Variants in INPP5A observed in about 807,000 individuals in gnomAD.
INPP5A encodes 43 kDa inositol polyphosphate 5-phophatase.
A neutral mutation model predicts 65.2 loss-of-function variants in INPP5A; 14 were observed. The observed-to-expected ratio is 0.21, with a 90% CI of 0.14 to 0.34. The LOEUF (loss-of-function observed/expected upper bound fraction) is 0.34. Among genes scored for constraint, INPP5A ranks in the 10% least tolerant of loss-of-function variants. The pLI, the probability that INPP5A is intolerant of heterozygous loss-of-function variation, is 1.00. For missense variants in INPP5A, 431 were observed against 545.6 expected, an observed-to-expected ratio of 0.79 and a Z score of 2.09; for synonymous variants, 207 against 208.3, an observed-to-expected ratio of 0.99 and a Z score of 0.05.
rs56338484 is a variant in INPP5A, at chr10:132,771,849, G to A, written c.978-5822G>A. Among the ~76,000 whole-genome samples, 680 of 97,206 alleles carry A rather than the reference G, an allele frequency of 7.0e-3. 39 individuals carry two copies. The highest frequency in any genetic ancestry group is 0.019 in the African/African-American group (445 of 22,894). The allele number at this position is 97,206 out of a possible 152,430, so 63.8% of individuals were successfully genotyped here. ...AGAGTGGGGCACTCAGCACTGACAC[G>A]GAGGCCACAGCAGCCACCCCGCGAA... On this transcript the variant is annotated intron_variant, in intron 12 of 15. Transcript: ENST00000368594.
chr10:132,655,716 G>A (rs1243942258), intron 4 of INPP5A, among the ~76,000 whole-genome samples: 1 of 152,236 alleles, frequency 6.6e-6, no homozygotes, highest in Non-Finnish European at 1.5e-5. Flanking sequence ...TGCTGATTTG[G>A]CCTACCTGGG....
chr10:132,602,857 G>T (rs2071794197), intron 1 of INPP5A, among the ~76,000 whole-genome samples: 1 of 152,136 alleles, frequency 6.6e-6, no homozygotes, highest in South Asian at 2.1e-4. Flanking sequence ...GTAATCTACA[G>T]GCACGTTCTC....
At chr10:132,576,365 GGT>G (rs1159411229) in intron 1 of INPP5A, among the ~76,000 whole-genome samples, 1 of 152,228 alleles carries the variant, frequency 6.6e-6, no homozygotes, top group East Asian at 1.9e-4. Flanking sequence ...ACAGGTGCTG[GGT>G]GGCACCCCGA....
At chr10:132,646,642 C>T (rs1387953365) in intron 3 of INPP5A, among the ~76,000 whole-genome samples, 4 of 152,212 alleles carry the variant, frequency 2.6e-5, no homozygotes, top group African/African-American at 2.4e-5. Flanking sequence ...GGCCTTGGCA[C>T]ATTCCCATGT....
intron 9 of INPP5A, among the ~76,000 whole-genome samples, chr10:132,734,669 G>T (rs1846145560): frequency 6.6e-6 from 1 of 152,242 alleles, no homozygotes; most frequent in African/African-American, 2.4e-5. Context: ...TCAAGACCAT[G>T]GCCTTGGGCA....
intron 1 of INPP5A, among the ~76,000 whole-genome samples, chr10:132,585,367 C>T (rs1016095262): frequency 3.9e-5 from 6 of 152,208 alleles, no homozygotes; most frequent in Admixed American, 1.3e-4. Context: ...CGAGAGAAAG[C>T]GCGAGTGCGA....
rs552083940 is a variant in INPP5A, at chr10:132,720,999, C to A, written c.648-5822C>A. ...CTGTGGTGCCTGGGTTCTGTCTGGGCACCTTAGACGACTGTCTTCAGGGTT... is the reference window on the plus strand; with the variant it reads ...CTGTGGTGCCTGGGTTCTGTCTGGGAACCTTAGACGACTGTCTTCAGGGTT... On this transcript the variant is annotated intron_variant, in intron 8 of 15. Coordinates refer to ENST00000368594, the MANE Select transcript of INPP5A (RefSeq NM_005539.5). 5.0e-5 allele frequency among the ~76,000 whole-genome samples: 7 copies of A among 139,908 alleles called. No homozygotes were observed. The Admixed American group carries it at 5.2e-4, about 10-fold the overall frequency. 91.8% of individuals were successfully genotyped at this position (139,908 alleles called of 152,430 possible).
At chr10:132,578,031 C>T (rs1369635397) in intron 1 of INPP5A, among the ~76,000 whole-genome samples, 1 of 152,202 alleles carries the variant, frequency 6.6e-6, no homozygotes, top group Non-Finnish European at 1.5e-5. Flanking sequence ...AATTTGGCCT[C>T]ACTCAAAATT....
chr10:132,553,982 T>C (rs937365392), intron 1 of INPP5A, among the ~76,000 whole-genome samples: 1 of 151,016 alleles, frequency 6.6e-6, no homozygotes, highest in African/African-American at 2.4e-5. Context: ...AGAGCCTTGG[T>C]GGAATATTGA....
In INPP5A at chr10:132,774,890, G is replaced by GGAGA. The variant is rs1250110011; in HGVS notation, c.978-2778_978-2777insAGAG. On this transcript the variant is annotated intron_variant, in intron 12 of 15. Coordinates refer to ENST00000368594, the MANE Select transcript of INPP5A (RefSeq NM_005539.5). ...GAGGGGCAGGGAGGAGAGGCAGGGAGGAGGGGCAGGGAGGAGAGAGGGGCA... is the reference window on the plus strand; with the variant it reads ...GAGGGGCAGGGAGGAGAGGCAGGGAGGAGAGAGGGGCAGGGAGGAGAGAGGGGCA... Among the ~76,000 whole-genome samples the GGAGA allele has an allele frequency of 2.9e-4, 22 of 74,964 alleles. 2 individuals carry two copies. The highest frequency in any genetic ancestry group is 6.8e-4 in the African/African-American group (15 of 22,168). The allele number at this position is 74,964 out of a possible 152,430, so 49.2% of individuals were successfully genotyped here. A position where few individuals can be genotyped will look rare whatever the true frequency, so the allele number is the denominator to read the frequency against.
chr10:132,658,223 G>T (rs896514921), intron 4 of INPP5A, among the ~76,000 whole-genome samples: 12 of 152,122 alleles, frequency 7.9e-5, no homozygotes, highest in African/African-American at 2.9e-4. Flanking sequence ...CAGAGTCCAG[G>T]GTTCTTGATC....
intron 8 of INPP5A, among the ~76,000 whole-genome samples, chr10:132,725,040 A>C (rs1185801817): frequency 2.6e-5 from 4 of 152,072 alleles, no homozygotes; most frequent in African/African-American, 9.7e-5. Context: ...CAGCAGGAGC[A>C]CACGCCATAT....
intron 12 of INPP5A, among the ~76,000 whole-genome samples, chr10:132,768,217 T>C (rs111374533): frequency 0.014 from 1,255 of 91,470 alleles, 22 homozygotes; most frequent in African/African-American, 0.05. Flanking sequence ...CAGAAAGATC[T>C]GTGGACCCCG....
chr10:132,615,068 T>A (rs972650164), intron 2 of INPP5A, among the ~76,000 whole-genome samples: 2 of 152,222 alleles, frequency 1.3e-5, no homozygotes, highest in African/African-American at 4.8e-5. Context: ...TAAGAACGCT[T>A]GCTGGGGGAT....
At chr10:132,594,071 G>A (rs139638614) in intron 1 of INPP5A, among the ~76,000 whole-genome samples, 135 of 152,208 alleles carry the variant, frequency 8.9e-4, no homozygotes, top group Non-Finnish European at 1.6e-3. Context: ...GGTGTGTGTC[G>A]TGGCACACAC....
At chr10:132,589,206 C>T (rs1397813408) in intron 1 of INPP5A, among the ~76,000 whole-genome samples, 1 of 152,236 alleles carries the variant, frequency 6.6e-6, no homozygotes, top group Non-Finnish European at 1.5e-5. Flanking sequence ...GTCCTTCTGA[C>T]CAGGCGTTCA....
rs536814022 is a variant in INPP5A at position 132,611,092 on chromosome 10, GAT to G, written c.117+3137_117+3138del. 7.7e-3 allele frequency among the ~76,000 whole-genome samples: 1,106 copies of G among 142,794 alleles called. 1 individual carries two copies. Among genetic ancestry groups the G allele is most frequent in the Admixed American group, 0.014 (204 of 14,154 alleles). 93.7% of individuals were successfully genotyped at this position (142,794 alleles called of 152,430 possible). On this transcript the variant is annotated intron_variant, in intron 2 of 15. Coordinates refer to ENST00000368594, the MANE Select transcript of INPP5A (RefSeq NM_005539.5). ...CAGGGCAGAGGCCCTGTCAGAGGAG[GAT>G]GTGGGGTGGGAGGTGAGGTGGGCAG...
In INPP5A at chr10:132,551,058, T is replaced by C. The variant is rs1345606454; in HGVS notation, c.75+12887T>C. Among the ~76,000 whole-genome samples, 1 of 152,234 alleles carries C rather than the reference T, an allele frequency of 6.6e-6. No individual in the cohort carries two copies. Among genetic ancestry groups the C allele is most frequent in the Non-Finnish European group, 1.5e-5 (1 of 68,038 alleles). On this transcript the variant is annotated intron_variant, in intron 1 of 15. Transcript: ENST00000368594. This position sits in a 1 kb window ranked among gnomAD's most constrained non-coding sequence, Gnocchi z 5.3. ...AGTGGCTTCAGTAGCCACACGCTGC[T>C]TGGTCCAGGTTCCTGCCTGAGCCCA...
chr10:132,716,571 C>T (rs1367710093), intron 8 of INPP5A, among the ~76,000 whole-genome samples: 1 of 152,186 alleles, frequency 6.6e-6, no homozygotes, highest in Non-Finnish European at 1.5e-5. Flanking sequence ...AGGACGATGC[C>T]TGTGCTGGGC....
Sources: gnomAD v4.1 joint callset for allele counts (sites outside exome capture counted in the v4.1 genomes callset) on GRCh38, gnomAD v4.1.1 for gene constraint, Gnocchi (gnomAD v3.1) non-coding constraint, MANE v1.5 for transcripts, NCBI Gene and HGNC (gene_info 2026-07-23, HGNC 2026-07-21) for gene names.